RBM28: variants seen among roughly 807,000 people sequenced by gnomAD.
RBM28 encodes RNA-binding protein 28.
A neutral mutation model predicts 98.3 loss-of-function variants in RBM28; 78 were observed. That is an observed-to-expected ratio of 0.79 (90% CI 0.66 to 0.96). The LOEUF (loss-of-function observed/expected upper bound fraction) is 0.96, where lower values mean the gene tolerates loss of function less well. Among genes scored for constraint, RBM28 ranks in the 40% least tolerant of loss-of-function variants. RBM28 has a pLI of 0.00. For missense variants in RBM28, 838 were observed against 913.0 expected (o/e 0.92, Z 1.06); for synonymous variants, 306 against 330.9 (o/e 0.92, Z 0.82).
intron 8 of RBM28, among the ~76,000 whole-genome samples, chr7:128,334,089 C>T (rs1268695453): frequency 6.6e-6 from 1 of 152,150 alleles, no homozygotes; most frequent in Non-Finnish European, 1.5e-5. Flanking sequence ...TCTATAGATA[C>T]ACAAGAAACA....
chr7:128,338,307 T>C lies in RBM28; in HGVS notation c.484A>G (p.Lys162Glu), dbSNP rs778536670. The C allele has an allele frequency of 1.1e-5, 18 of 1,614,224 alleles. No homozygotes were observed. Among genetic ancestry groups the C allele is most frequent in the Non-Finnish European group, 1.5e-5 (18 of 1,180,032 alleles). Residue 162 changes from lysine (K) to glutamate (E), a missense_variant, in exon 5 of 19, where the codon AAA (lysine) becomes GAA (glutamate). Coordinates refer to ENST00000223073, the MANE Select transcript of RBM28 (RefSeq NM_018077.3). Reference sequence around the variant, plus strand: ...GCTTTACCTGCTTCTAGGAGGTTTTTGAACTGAACAAAACCAAAACCGCGC... The same window carrying C: ...GCTTTACCTGCTTCTAGGAGGTTTTCGAACTGAACAAAACCAAAACCGCGC... ...KMRGFGFVQF[K>E]NLLEAGKALK... is the part of the protein sequence containing the mutation.
chr7:128,342,650 C>G (rs1796751411), intron 1 of RBM28, among the ~76,000 whole-genome samples: 1 of 152,120 alleles, frequency 6.6e-6, no homozygotes, highest in Admixed American at 6.5e-5. Context: ...CACTGCACTC[C>G]CGCCTGGGCG....
intron 10 of RBM28, among the ~76,000 whole-genome samples, chr7:128,328,722 A>G (rs1172325666): frequency 6.6e-6 from 1 of 152,238 alleles, no homozygotes; most frequent in Non-Finnish European, 1.5e-5. Flanking sequence ...ATTCTATGCA[A>G]TTCAAATTGT....
Position 128,333,376 on chromosome 7 carries a change from A to G in RBM28, c.947-14T>C, listed in dbSNP as rs763933880. ...AGACTTGCACAGCTAAGGTAAAAAG[A>G]AAAACAACAAACTGAAAGAGATTAG... On this transcript the variant is annotated splice_polypyrimidine_tract_variant and intron_variant, in intron 8 of 18. Coordinates refer to ENST00000223073, the MANE Select transcript of RBM28 (RefSeq NM_018077.3). 10 of 1,560,410 alleles carry G rather than the reference A, an allele frequency of 6.4e-6. No individual in the cohort carries two copies. The African/African-American group carries it at 8.2e-5, about 13-fold the overall frequency.
intron 5 of RBM28, 74 bp downstream of exon 5, chr7:128,338,176 A>C (rs113774750): frequency 9.2e-7 from 1 of 1,085,160 alleles, no homozygotes; most frequent in Admixed American, 1.7e-5. Context: ...GAAAATGCAG[A>C]AAGTGGGTTA....
rs1796681677 is a variant in RBM28, at chr7:128,339,720, CCTT to C, written c.187_189del (p.Lys63del). Reference sequence around the variant, plus strand: ...TTGCAACCTTCAAAGGTGGTAATCTCCTTGAGGGCCCTCTGAACATCTTCCAGC... The same window carrying C: ...TTGCAACCTTCAAAGGTGGTAATCTCGAGGGCCCTCTGAACATCTTCCAGC... On this transcript the variant is annotated inframe_deletion, in exon 2 of 19. Coordinates refer to ENST00000223073, the MANE Select transcript of RBM28 (RefSeq NM_018077.3). 1.2e-6 allele frequency: 2 copies of C among 1,613,938 alleles called. No individual in the cohort carries two copies. The highest frequency in any genetic ancestry group is 1.7e-6 in the Non-Finnish European group (2 of 1,179,822).
intron 17 of RBM28, among the ~76,000 whole-genome samples, chr7:128,314,225 G>C (rs1004984044): frequency 2.0e-5 from 3 of 152,144 alleles, no homozygotes; most frequent in East Asian, 1.9e-4. Context: ...GCCTCCCAAA[G>C]TGCTGGGATT....
chr7:128,338,680 A>C, intron 4 of RBM28, 46 bp downstream of exon 4: 1 of 1,310,648 alleles, frequency 7.6e-7, no homozygotes. Context: ...TTCAAGGGTA[A>C]TATGTTAACT....
At chr7:128,326,029 G>C in intron 10 of RBM28, 138 bp from the exon 11 acceptor site, 1 of 746,718 alleles carries the variant, frequency 1.3e-6, no homozygotes. Flanking sequence ...ATGTAGCCGG[G>C]TGCAGTGGCT....
At chr7:128,333,711 A>G (rs1480103672) in intron 8 of RBM28, among the ~76,000 whole-genome samples, 1 of 152,162 alleles carries the variant, frequency 6.6e-6, no homozygotes, top group African/African-American at 2.4e-5. Context: ...AGAGCGAAAC[A>G]AAGTCTCAAA....
chr7:128,334,636 T>C (rs1388641509), intron 8 of RBM28, among the ~76,000 whole-genome samples: 1 of 152,212 alleles, frequency 6.6e-6, no homozygotes, highest in Admixed American at 6.5e-5. Context: ...CCTTCCTCAA[T>C]AAACAAGTTG....
chr7:128,324,865 T>C (rs1036704430), intron 11 of RBM28, among the ~76,000 whole-genome samples, 171 bp from the exon 12 acceptor site: 3 of 152,008 alleles, frequency 2.0e-5, no homozygotes, highest in Admixed American at 2.0e-4. Context: ...AATACAAAAA[T>C]TAGCCGGGCA....
intron 14 of RBM28, among the ~76,000 whole-genome samples, chr7:128,318,451 G>C (rs571146434): frequency 6.4e-4 from 97 of 150,548 alleles, no homozygotes; most frequent in Middle Eastern, 6.8e-3. Flanking sequence ...CTCCAGCCTG[G>C]GCAACAGAGT....
intron 14 of RBM28, among the ~76,000 whole-genome samples, chr7:128,319,740 C>G (rs747265779): frequency 6.6e-6 from 1 of 152,174 alleles, no homozygotes; most frequent in Non-Finnish European, 1.5e-5. Flanking sequence ...AAGTGACTGA[C>G]AGACAGTTTG....
At chr7:128,325,723 A>G in intron 11 of RBM28, 95 bp downstream of exon 11, 5 of 885,724 alleles carry the variant, frequency 5.6e-6, no homozygotes, top group Non-Finnish European at 9.1e-6. Flanking sequence ...TACTGACAAG[A>G]AAAATAATAA....
Position 128,325,837 on chromosome 7 carries a change from G to T in RBM28, c.1184C>A (p.Ala395Asp). 6.2e-7 allele frequency: 1 copy of T among 1,613,492 alleles called. No homozygotes were observed. ...CCTTACCTCATTCTCTGGAGAAGCA[G>T]CTAGAAGGCATTTCTGAGCTGCTTC... Reference protein sequence around the residue: ...TQEAAQKCLLAASPENEAGGL... With the variant: ...TQEAAQKCLLDASPENEAGGL... The change falls in exon 11 of 19, where the codon GCT (alanine) becomes GAT (aspartate). Residue 395 changes from alanine (A) to aspartate (D), a missense_variant. Physicochemically the swap from Ala to Asp is moderately radical, Grantham distance 126. Transcript: ENST00000223073.
intron 13 of RBM28, among the ~76,000 whole-genome samples, chr7:128,323,125 A>G (rs1395064369): frequency 6.6e-6 from 1 of 152,180 alleles, no homozygotes; most frequent in African/African-American, 2.4e-5. Context: ...ACCCCTTTCA[A>G]GAGCCATATC....
intron 12 of RBM28, 35 bp from the exon 13 acceptor site, chr7:128,323,626 A>G: frequency 6.2e-7 from 1 of 1,612,330 alleles, no homozygotes; most frequent in Non-Finnish European, 8.5e-7. Context: ...AGACATCAAC[A>G]AGGGAATTTT....
Position 128,310,703 on chromosome 7 carries a change from T to C in RBM28, c.*94A>G. On this transcript the variant is annotated 3_prime_UTR_variant, in exon 19 of 19. Transcript: ENST00000223073. Reference sequence around the variant, plus strand: ...AGTGGCAGTGCCCTTGGGGATTTTCTTTCCCTCAGTGAGAGACACGGGGGA... The same window carrying C: ...AGTGGCAGTGCCCTTGGGGATTTTCCTTCCCTCAGTGAGAGACACGGGGGA... The C allele has an allele frequency of 7.8e-6, 12 of 1,532,630 alleles. No homozygotes were observed. The highest frequency in any genetic ancestry group is 2.2e-5 in the South Asian group (2 of 89,252). The allele number at this position is 1,532,630 out of a possible 1,614,324, so 94.9% of individuals were successfully genotyped here.
Sources: gnomAD v4.1 joint callset for allele counts (sites outside exome capture counted in the v4.1 genomes callset) on GRCh38, gnomAD v4.1.1 for gene constraint, MANE v1.5 for transcripts, NCBI Gene and HGNC (gene_info 2026-07-23, HGNC 2026-07-21) for gene names.